Variants in CLSTN2 observed in about 807,000 individuals in gnomAD.
The protein encoded by CLSTN2 is calsyntenin-2.
In CLSTN2, 48 loss-of-function variants were observed where a neutral mutation model predicts 101.2. The ratio of observed to expected loss-of-function variants is 0.47; its 90% CI spans 0.38 to 0.60. The LOEUF (loss-of-function observed/expected upper bound fraction) is 0.60. Among genes scored for constraint, CLSTN2 ranks in the 20% least tolerant of loss-of-function variants. The probability of loss-of-function intolerance (pLI) is 0.00; values close to 1 mark genes in which losing one functional copy is unlikely to be tolerated. For missense variants in CLSTN2, 1,160 were observed against 1,238.2 expected (o/e 0.94, Z 0.95); for synonymous variants, 481 against 463.6 (o/e 1.04, Z -0.48).
rs577964530 is a variant in CLSTN2, at chr3:140,209,004, T to C, written c.232+32931T>C. 4.6e-5 allele frequency among the ~76,000 whole-genome samples: 7 copies of C among 152,322 alleles called. No homozygotes were observed. In the South Asian group the frequency reaches 1.2e-3, roughly 27 times the overall value. On this transcript the variant is annotated intron_variant, in intron 2 of 16. Transcript: ENST00000458420. ...ATATAGAAAGTGGCAATTCCCAGTG[T>C]GTAGTAACCCCAAGTGTCCTCACAT... is the stretch of plus-strand genomic sequence containing the variant.
intron 1 of CLSTN2, among the ~76,000 whole-genome samples, chr3:140,081,202 C>A (rs540422933): frequency 1.3e-5 from 2 of 152,268 alleles, no homozygotes; most frequent in African/African-American, 2.4e-5. Context: ...TGGAATTTTT[C>A]AATTTGGTTT....
chr3:140,156,130 A>G (rs925776967), intron 1 of CLSTN2, among the ~76,000 whole-genome samples: 46 of 152,128 alleles, frequency 3.0e-4, no homozygotes, highest in African/African-American at 1.0e-3. Flanking sequence ...CAGGGATAGC[A>G]AATAAGTTTT....
Position 140,134,671 on chromosome 3 carries a change from C to T in CLSTN2, c.110-41280C>T, listed in dbSNP as rs139386972. On this transcript the variant is annotated intron_variant, in intron 1 of 16. Transcript: ENST00000458420. Reference sequence around the variant, plus strand: ...TGATATTTTCTGAGTGTCCAATTTACAGATTTCTCTCAACACAGCATAGAG... The same window carrying T: ...TGATATTTTCTGAGTGTCCAATTTATAGATTTCTCTCAACACAGCATAGAG... Among the ~76,000 whole-genome samples the T allele has an allele frequency of 7.4e-4, 113 of 152,252 alleles. 1 individual carries two copies. In the South Asian group the frequency reaches 8.7e-3, roughly 12 times the overall value.
At chr3:140,543,212 T>C (rs924099750) in intron 9 of CLSTN2, among the ~76,000 whole-genome samples, 1 of 152,152 alleles carries the variant, frequency 6.6e-6, no homozygotes, top group Non-Finnish European at 1.5e-5. Flanking sequence ...CTGGATGCCC[T>C]GGAGAGGAGC....
At chr3:140,305,023 G>GACACACACACACACAC (rs374893786) in intron 2 of CLSTN2, among the ~76,000 whole-genome samples, 2 of 143,088 alleles carry the variant, frequency 1.4e-5, no homozygotes, top group African/African-American at 5.2e-5. Context: ...CACACACAGA[G>GACACACACACACACAC]ACACACACAC....
intron 8 of CLSTN2, among the ~76,000 whole-genome samples, chr3:140,494,564 A>G (rs1276646332): frequency 6.6e-6 from 1 of 152,140 alleles, no homozygotes; most frequent in African/African-American, 2.4e-5. Flanking sequence ...CCCATCACCT[A>G]GGTATTAAGC....
At chr3:139,946,017 C>T (rs1935209423) in intron 1 of CLSTN2, among the ~76,000 whole-genome samples, 1 of 152,188 alleles carries the variant, frequency 6.6e-6, no homozygotes. Context: ...TGCACATTCT[C>T]TTCAAACTAA....
chr3:140,575,373 T>C lies in CLSTN2; in HGVS notation c.*9120T>C, dbSNP rs1438950777. 1.3e-5 allele frequency: 2 copies of C among 152,022 alleles called. No individual in the cohort carries two copies. The highest frequency in any genetic ancestry group is 4.8e-5 in the African/African-American group (2 of 41,390). 9.4% of individuals were successfully genotyped at this position (152,022 alleles called of 1,614,324 possible). A position where few individuals can be genotyped will look rare whatever the true frequency, so the allele number is the denominator to read the frequency against. On this transcript the variant is annotated 3_prime_UTR_variant, in exon 17 of 17. Coordinates refer to ENST00000458420, the MANE Select transcript of CLSTN2 (RefSeq NM_022131.3). ...CTCTGTATCTAAAGATGCATCCAAG[T>C]TTGCAAAAAATTATGGGTAAATCTG...
In CLSTN2 at chr3:140,253,212, G is replaced by A. The variant is rs141365515; in HGVS notation, c.232+77139G>A. Among the ~76,000 whole-genome samples the A allele has an allele frequency of 2.8e-3, 424 of 152,276 alleles. 1 individual carries two copies. Among genetic ancestry groups the A allele is most frequent in the African/African-American group, 9.5e-3 (394 of 41,570 alleles). On this transcript the variant is annotated intron_variant, in intron 2 of 16. Transcript: ENST00000458420. ...ACAAAGTTACAGCTGCAAAGACTGAGTCAGCTAGTTGTGGTCACGGGCAGG... is the reference window on the plus strand; with the variant it reads ...ACAAAGTTACAGCTGCAAAGACTGAATCAGCTAGTTGTGGTCACGGGCAGG...
chr3:140,378,786 C>T (rs2087947382), intron 2 of CLSTN2, among the ~76,000 whole-genome samples: 1 of 152,194 alleles, frequency 6.6e-6, no homozygotes, highest in Non-Finnish European at 1.5e-5. Context: ...CTCCAATTTA[C>T]TTTTCTCTAA....
At chr3:140,204,333 C>G (rs1469085297) in intron 2 of CLSTN2, among the ~76,000 whole-genome samples, 1 of 152,174 alleles carries the variant, frequency 6.6e-6, no homozygotes, top group African/African-American at 2.4e-5. Context: ...TATCATCTGT[C>G]CCTTTCTCTC....
chr3:140,090,988 T>G (rs1480219333), intron 1 of CLSTN2, among the ~76,000 whole-genome samples: 1 of 152,156 alleles, frequency 6.6e-6, no homozygotes, highest in African/African-American at 2.4e-5. Flanking sequence ...AGAGGAGTTC[T>G]GAGGAACTCT....
In CLSTN2 at chr3:140,577,334, G is replaced by A. The variant is rs1985760931; in HGVS notation, c.*11081G>A. On this transcript the variant is annotated 3_prime_UTR_variant, in exon 17 of 17. Coordinates refer to ENST00000458420, the MANE Select transcript of CLSTN2 (RefSeq NM_022131.3). Reference sequence around the variant, plus strand: ...AAATGCCTACAAACTGATTCATGTTGGTGGTCGTTATGACACTTTCTGTGA... The same window carrying A: ...AAATGCCTACAAACTGATTCATGTTAGTGGTCGTTATGACACTTTCTGTGA... The A allele has an allele frequency of 1.3e-5, 2 of 152,116 alleles. No homozygotes were observed. Among genetic ancestry groups the A allele is most frequent in the African/African-American group, 4.8e-5 (2 of 41,420 alleles). 9.4% of individuals were successfully genotyped at this position (152,116 alleles called of 1,614,324 possible). A position where few individuals can be genotyped will look rare whatever the true frequency, so the allele number is the denominator to read the frequency against.
chr3:140,069,893 A>G (rs1247734591), intron 1 of CLSTN2, among the ~76,000 whole-genome samples: 1 of 152,196 alleles, frequency 6.6e-6, no homozygotes, highest in African/African-American at 2.4e-5. Context: ...GAACAAGGCT[A>G]TATGGGAAGG....
intron 2 of CLSTN2, among the ~76,000 whole-genome samples, chr3:140,197,170 T>C (rs1437874902): frequency 6.6e-6 from 1 of 152,212 alleles, no homozygotes; most frequent in African/African-American, 2.4e-5. Context: ...CTCAGCTCAC[T>C]GCTGCCAAGG....
At chr3:140,216,128 G>A (rs1028355257) in intron 2 of CLSTN2, among the ~76,000 whole-genome samples, 1 of 152,186 alleles carries the variant, frequency 6.6e-6, no homozygotes, top group Non-Finnish European at 1.5e-5. Context: ...AACCGTGCAT[G>A]TGAGGGATCT....
At chr3:140,006,672 T>C (rs1292129514) in intron 1 of CLSTN2, among the ~76,000 whole-genome samples, 1 of 152,238 alleles carries the variant, frequency 6.6e-6, no homozygotes, top group South Asian at 2.1e-4. Context: ...AGCTGTGTGA[T>C]ATTTGCTATG....
intron 9 of CLSTN2, among the ~76,000 whole-genome samples, chr3:140,537,417 A>G (rs1169338324): frequency 6.6e-6 from 1 of 152,204 alleles, no homozygotes; most frequent in African/African-American, 2.4e-5. Flanking sequence ...TACAGTTAAG[A>G]AATGTTACCG....
chr3:140,500,586 T>C (rs1934557562), intron 8 of CLSTN2, among the ~76,000 whole-genome samples: 1 of 152,176 alleles, frequency 6.6e-6, no homozygotes, highest in Non-Finnish European at 1.5e-5. Flanking sequence ...GTTGGTTTGG[T>C]TTTCGTGTTT....
Sources: gnomAD v4.1 joint callset for allele counts (sites outside exome capture counted in the v4.1 genomes callset) on GRCh38, gnomAD v4.1.1 for gene constraint, MANE v1.5 for transcripts, NCBI Gene and HGNC (gene_info 2026-07-23, HGNC 2026-07-21) for gene names.